The following DOCK3 variants were observed in gnomAD, a reference collection of about 807,000 sequenced individuals.
DOCK3 encodes the protein dedicator of cytokinesis 3.
In DOCK3, 60 loss-of-function variants were observed where a neutral mutation model predicts 265.6. The observed-to-expected ratio is 0.23, with a 90% CI of 0.18 to 0.28. The LOEUF (loss-of-function observed/expected upper bound fraction) is 0.28, where lower values mean the gene tolerates loss of function less well. Ranked by LOEUF, DOCK3 falls within the 10% of genes least tolerant of loss-of-function variation. DOCK3 has a pLI of 1.00. For synonymous variants in DOCK3, 881 were observed against 938.0 expected, an observed-to-expected ratio of 0.94 and a Z score of 1.11; for missense variants, 1,981 against 2,594.3, an observed-to-expected ratio of 0.76 and a Z score of 5.14.
At chr3:50,680,823 G>A (rs1315264124) in intron 1 of DOCK3, among the ~76,000 whole-genome samples, 1 of 151,686 alleles carries the variant, frequency 6.6e-6, no homozygotes, top group African/African-American at 2.4e-5. Context: ...CTTTTTAATG[G>A]GATTATTTGG....
intron 9 of DOCK3, among the ~76,000 whole-genome samples, chr3:51,136,450 G>T (rs2084804202): frequency 6.6e-6 from 1 of 151,874 alleles, no homozygotes; most frequent in South Asian, 2.1e-4. Flanking sequence ...TTGTTAGCTA[G>T]TATGGTCTTG....
At chr3:51,161,120 A>T (rs566030102) in intron 12 of DOCK3, among the ~76,000 whole-genome samples, 1 of 150,168 alleles carries the variant, frequency 6.7e-6, no homozygotes, top group Non-Finnish European at 1.5e-5. Context: ...ACACAGAATC[A>T]CCAGGATGTA....
intron 3 of DOCK3, among the ~76,000 whole-genome samples, chr3:50,846,532 G>A (rs927282224): frequency 6.6e-6 from 1 of 152,132 alleles, no homozygotes; most frequent in African/African-American, 2.4e-5. Context: ...AATGAGTTAA[G>A]GAAGGGTCCC....
At chr3:51,371,280 C>G (rs889812360) in intron 49 of DOCK3, among the ~76,000 whole-genome samples, 1 of 152,190 alleles carries the variant, frequency 6.6e-6, no homozygotes, top group African/African-American at 2.4e-5. Flanking sequence ...AGCCCCTTCC[C>G]TTTTGGGGGT....
intron 2 of DOCK3, among the ~76,000 whole-genome samples, chr3:50,824,380 A>G (rs2044638365): frequency 6.6e-6 from 1 of 152,074 alleles, no homozygotes; most frequent in African/African-American, 2.4e-5. Flanking sequence ...GTTTGTATTG[A>G]TATGTTTTTG....
intron 18 of DOCK3, 85 bp from the exon 19 acceptor site, chr3:51,229,427 G>C: frequency 2.1e-6 from 2 of 973,264 alleles, no homozygotes; most frequent in Non-Finnish European, 2.9e-6. Flanking sequence ...CTCCAGCCTG[G>C]GCAACAGAGT....
At chr3:51,253,398 T>TC (rs1247300225) in intron 22 of DOCK3, among the ~76,000 whole-genome samples, 1 of 152,198 alleles carries the variant, frequency 6.6e-6, no homozygotes, top group African/African-American at 2.4e-5. Flanking sequence ...TAGGGAGGAT[T>TC]CCCTCTTTTT....
At chr3:51,161,040 CACTCT>C (rs1455762717) in intron 12 of DOCK3, among the ~76,000 whole-genome samples, 1 of 145,698 alleles carries the variant, frequency 6.9e-6, no homozygotes, top group Non-Finnish European at 1.5e-5. Context: ...TGCATCACTG[CACTCT>C]AGCCTGGGCA....
At chr3:51,201,279 C>T (rs1452835442) in intron 12 of DOCK3, among the ~76,000 whole-genome samples, 1 of 150,440 alleles carries the variant, frequency 6.6e-6, no homozygotes, top group African/African-American at 2.4e-5. Flanking sequence ...TCAGGAAACC[C>T]ATCTCACGTG....
chr3:50,889,552 A>G (rs2048542672), intron 3 of DOCK3, among the ~76,000 whole-genome samples: 1 of 152,122 alleles, frequency 6.6e-6, no homozygotes, highest in South Asian at 2.1e-4. Flanking sequence ...TGGAAAGAGT[A>G]AAAGAAGACA....
chr3:51,102,910 T>C (rs1274384164), intron 9 of DOCK3, among the ~76,000 whole-genome samples: 2 of 152,200 alleles, frequency 1.3e-5, no homozygotes, highest in Non-Finnish European at 2.9e-5. Context: ...GAAGGAATGC[T>C]CCAAATATGT....
At chr3:50,881,471 A>G (rs1004832253) in intron 3 of DOCK3, among the ~76,000 whole-genome samples, 6 of 152,248 alleles carry the variant, frequency 3.9e-5, no homozygotes, top group Non-Finnish European at 5.9e-5. Flanking sequence ...CCTGTACACC[A>G]GTAACAGACA....
At chr3:51,339,876 T>G (rs1397860346) in intron 37 of DOCK3, among the ~76,000 whole-genome samples, 1 of 152,226 alleles carries the variant, frequency 6.6e-6, no homozygotes, top group Non-Finnish European at 1.5e-5. Flanking sequence ...CTACTGCAAT[T>G]AGATAGATTT....
At chr3:51,072,278 G>A (rs2081904568) in intron 6 of DOCK3, among the ~76,000 whole-genome samples, 1 of 152,184 alleles carries the variant, frequency 6.6e-6, no homozygotes, top group South Asian at 2.1e-4. Context: ...AACTAAGATA[G>A]AGTTCTTATA....
chr3:51,046,720 C>G (rs2109076618), intron 5 of DOCK3, among the ~76,000 whole-genome samples: 1 of 151,988 alleles, frequency 6.6e-6, no homozygotes, highest in Admixed American at 6.6e-5. Flanking sequence ...CAGTATAGAC[C>G]AAATGACCCA....
At chr3:50,994,576 G>A (rs1457370303) in intron 5 of DOCK3, among the ~76,000 whole-genome samples, 2 of 152,202 alleles carry the variant, frequency 1.3e-5, no homozygotes, top group Non-Finnish European at 2.9e-5. Flanking sequence ...GAACAAGTAT[G>A]TATATGTCAA....
chr3:50,980,452 A>C lies in DOCK3; in HGVS notation c.315+46375A>C, dbSNP rs372301049. 2.0e-5 allele frequency among the ~76,000 whole-genome samples: 3 copies of C among 152,252 alleles called. No homozygotes were observed. The East Asian group carries it at 5.8e-4, about 29-fold the overall frequency. ...GTGTGTGTTCTTGTCTGGTTTTGCT[A>C]TTTGATGATGCTGGCCTCATAGAGT... On this transcript the variant is annotated intron_variant, in intron 5 of 52. Coordinates refer to ENST00000266037, the MANE Select transcript of DOCK3 (RefSeq NM_004947.5).
At chr3:51,064,365 C>T (rs1408424113) in intron 5 of DOCK3, 83 bp from the exon 6 acceptor site, 1 of 1,537,322 alleles carries the variant, frequency 6.5e-7, no homozygotes, top group Non-Finnish European at 8.9e-7. Flanking sequence ...GAGCACTTTT[C>T]ATAGTTTAAC....
rs535467391 is a variant in DOCK3, at chr3:51,325,630, C to T, written c.3403-4508C>T. 2.6e-5 allele frequency among the ~76,000 whole-genome samples: 4 copies of T among 152,276 alleles called. No individual in the cohort carries two copies. The East Asian group carries it at 7.7e-4, about 29-fold the overall frequency. ...ATGCACATGTATGTTTACTGCGACACTATTCACAATAGCAAAGACTTGGAA... is the reference window on the plus strand; with the variant it reads ...ATGCACATGTATGTTTACTGCGACATTATTCACAATAGCAAAGACTTGGAA... On this transcript the variant is annotated intron_variant, in intron 32 of 52. Coordinates refer to ENST00000266037, the MANE Select transcript of DOCK3 (RefSeq NM_004947.5).
Sources: allele counts gnomAD v4.1 joint callset (sites outside exome capture counted in the v4.1 genomes callset), GRCh38; gene constraint gnomAD v4.1.1; transcripts MANE v1.5; gene names NCBI Gene and HGNC (gene_info 2026-07-23, HGNC 2026-07-21).